The following TRIM67 variants were observed in gnomAD, a reference collection of about 807,000 sequenced individuals.
TRIM67 encodes the protein tripartite motif containing 67.
A neutral mutation model predicts 71.0 loss-of-function variants in TRIM67; 39 were observed. That is an observed-to-expected ratio of 0.55 (90% confidence interval 0.43 to 0.72). The LOEUF (loss-of-function observed/expected upper bound fraction) is 0.72. TRIM67 is among the 30% of genes least tolerant of loss of function. The pLI is 0.00. For missense variants in TRIM67, 973 were observed against 1,079.2 expected (o/e 0.90, Z 1.38); for synonymous variants, 481 against 473.9 (o/e 1.01, Z -0.19).
At chr1:231,166,118 G>C (rs1225575540) in intron 1 of TRIM67, among the ~76,000 whole-genome samples, 1 of 152,208 alleles carries the variant, frequency 6.6e-6, no homozygotes. Flanking sequence ...GGAAATTTGG[G>C]AAGCACATGT....
intron 5 of TRIM67, among the ~76,000 whole-genome samples, chr1:231,202,081 T>A (rs77145089): frequency 0.02 from 47 of 2,398 alleles, 1 homozygote; most frequent in African/African-American, 0.025. Flanking sequence ...GAGGAGGAGG[T>A]GGTGGCTAAG....
rs1175749567 is a variant in TRIM67, at chr1:231,220,951, G to A, written c.*5511G>A. 2.0e-5 allele frequency: 3 copies of A among 152,296 alleles called. No homozygotes were observed. The highest frequency in any genetic ancestry group is 7.2e-5 in the African/African-American group (3 of 41,450). 9.4% of individuals were successfully genotyped at this position (152,296 alleles called of 1,614,324 possible). ...CTTGCAACTGCAGTAGCAGGAACAT[G>A]TCAGGTGCTTACTGGGTGAGACCCA... On this transcript the variant is annotated 3_prime_UTR_variant, in exon 10 of 10. Coordinates refer to ENST00000366653, the MANE Select transcript of TRIM67 (RefSeq NM_001004342.5).
In TRIM67 at chr1:231,217,099, C is replaced by T; in HGVS notation, c.*1659C>T. On this transcript the variant is annotated 3_prime_UTR_variant, in exon 10 of 10. Transcript: ENST00000366653. The stretch of plus-strand genomic sequence containing the variant: ...TTTCTGAGTAACTGCCTGCCGGAGC[C>T]ATGCAGGTACCCCCCCTCCACTCAG... 1 of 985,914 alleles carries T rather than the reference C, an allele frequency of 1.0e-6. No individual in the cohort carries two copies. The highest frequency in any genetic ancestry group is 1.2e-6 in the Non-Finnish European group (1 of 830,008). 61.1% of individuals were successfully genotyped at this position (985,914 alleles called of 1,614,324 possible). A position where few individuals can be genotyped will look rare whatever the true frequency, so the allele number is the denominator to read the frequency against.
At chr1:231,204,545 A>G (rs1198161457) in intron 6 of TRIM67, among the ~76,000 whole-genome samples, 1 of 152,150 alleles carries the variant, frequency 6.6e-6, no homozygotes. Context: ...GTGAGCCAGA[A>G]ATGCATCTTC....
At chr1:231,170,356 G>A (rs888218519) in intron 1 of TRIM67, among the ~76,000 whole-genome samples, 1 of 152,064 alleles carries the variant, frequency 6.6e-6, no homozygotes, top group Non-Finnish European at 1.5e-5. Context: ...GAGAAAAGAA[G>A]GCAAGAATCC....
At chr1:231,170,556 A>G (rs1028911454) in intron 1 of TRIM67, among the ~76,000 whole-genome samples, 2 of 152,160 alleles carry the variant, frequency 1.3e-5, no homozygotes, top group Admixed American at 6.5e-5. Flanking sequence ...TTAGCCTGCA[A>G]TGGAAGGGCT....
At chr1:231,195,722 T>C (rs1462739628) in intron 1 of TRIM67, among the ~76,000 whole-genome samples, 1 of 152,194 alleles carries the variant, frequency 6.6e-6, no homozygotes, top group African/African-American at 2.4e-5. Flanking sequence ...ATCTTCTCCA[T>C]AGGTTTTCAG....
rs1200914861 is a variant in TRIM67, at chr1:231,218,165, A to G, written c.*2725A>G. 3 of 1,031,074 alleles carry G rather than the reference A, an allele frequency of 2.9e-6. No homozygotes were observed. The highest frequency in any genetic ancestry group is 3.5e-6 in the Non-Finnish European group (3 of 856,008). 63.9% of individuals were successfully genotyped at this position (1,031,074 alleles called of 1,614,324 possible). On this transcript the variant is annotated 3_prime_UTR_variant, in exon 10 of 10. Transcript: ENST00000366653. Reference sequence around the variant, plus strand: ...TGAAGAAGGAACTTATCAATTCCTCATGGCCAGGAAGGTCCCGGGTTTCAG... The same window carrying G: ...TGAAGAAGGAACTTATCAATTCCTCGTGGCCAGGAAGGTCCCGGGTTTCAG...
intron 1 of TRIM67, among the ~76,000 whole-genome samples, chr1:231,188,510 C>T (rs1458550867): frequency 6.6e-5 from 10 of 152,106 alleles, no homozygotes; most frequent in East Asian, 1.9e-4. Flanking sequence ...GCCCTGCCTC[C>T]GAGGGATTTT....
chr1:231,219,808 A>ACAC lies in TRIM67; in HGVS notation c.*4370_*4371insCCA. On this transcript the variant is annotated 3_prime_UTR_variant, in exon 10 of 10. Coordinates refer to ENST00000366653, the MANE Select transcript of TRIM67 (RefSeq NM_001004342.5). ...GAGCCGGTAGCTGTGTTTGTTGACC[A>ACAC]CATTCTTTGGCAGTTCCTCCCAGAA... 1 of 1,272,596 alleles carries ACAC rather than the reference A, an allele frequency of 7.9e-7. No individual in the cohort carries two copies. Among genetic ancestry groups the ACAC allele is most frequent in the African/African-American group, 1.5e-5 (1 of 65,434 alleles). The allele number at this position is 1,272,596 out of a possible 1,614,324, so 78.8% of individuals were successfully genotyped here.
chr1:231,169,368 C>CT (rs775082418), intron 1 of TRIM67, among the ~76,000 whole-genome samples: 35,579 of 81,990 alleles, frequency 0.43, 8,537 homozygotes, highest in Non-Finnish European at 0.52. Context: ...ATTCTTTTCT[C>CT]TTTTTTTTTT....
In TRIM67 at chr1:231,208,871, G is replaced by C. The variant is rs192211433; in HGVS notation, c.1820-76G>C. On this transcript the variant is annotated intron_variant, in intron 7 of 9. Transcript: ENST00000366653. ...CTTTCTAACAGAAGCGAATGTGTTT[G>C]TGTCTCTGAGCCGGTTAGAAACTAC... The C allele has an allele frequency of 2.1e-5, 30 of 1,416,812 alleles. No homozygotes were observed. In the African/African-American group the frequency reaches 4.3e-4, roughly 20 times the overall value. The allele number at this position is 1,416,812 out of a possible 1,614,324, so 87.8% of individuals were successfully genotyped here.
At chr1:231,190,045 G>C (rs894892610) in intron 1 of TRIM67, among the ~76,000 whole-genome samples, 5 of 152,132 alleles carry the variant, frequency 3.3e-5, no homozygotes, top group African/African-American at 1.2e-4. Flanking sequence ...TGATAAATTT[G>C]TGTTGATCTA....
chr1:231,187,967 C>T (rs1223129635), intron 1 of TRIM67, among the ~76,000 whole-genome samples: 3 of 152,178 alleles, frequency 2.0e-5, no homozygotes, highest in South Asian at 2.1e-4. Flanking sequence ...CCTGTTCTTT[C>T]GTGTTCTCTC....
chr1:231,167,423 C>T (rs1009607399), intron 1 of TRIM67, among the ~76,000 whole-genome samples: 1 of 100,406 alleles, frequency 1.0e-5, no homozygotes, highest in Non-Finnish European at 1.8e-5. Context: ...CCCGGGTTCA[C>T]GCCATTCTCC....
intron 1 of TRIM67, among the ~76,000 whole-genome samples, chr1:231,165,836 G>T (rs1415407418): frequency 6.6e-6 from 1 of 152,218 alleles, no homozygotes; most frequent in East Asian, 1.9e-4. Context: ...TTCACAAACT[G>T]CTAAATCTTC....
intron 1 of TRIM67, among the ~76,000 whole-genome samples, chr1:231,192,438 C>A (rs1021564617): frequency 1.6e-4 from 24 of 152,264 alleles, no homozygotes; most frequent in African/African-American, 4.1e-4. Context: ...CCCCGGCCTC[C>A]CAAAGTCCTG....
In TRIM67 at chr1:231,178,266, T is replaced by A. The variant is rs991484132; in HGVS notation, c.1044+14253T>A. ...CACTCTGAGTGTAAGTTTACTAGACTGACATTACTAAAATCATTGGTGCTA... is the reference window on the plus strand; with the variant it reads ...CACTCTGAGTGTAAGTTTACTAGACAGACATTACTAAAATCATTGGTGCTA... On this transcript the variant is annotated intron_variant, in intron 1 of 9. Coordinates refer to ENST00000366653, the MANE Select transcript of TRIM67 (RefSeq NM_001004342.5). Among the ~76,000 whole-genome samples the A allele has an allele frequency of 5.9e-5, 9 of 152,322 alleles. No individual in the cohort carries two copies. In the East Asian group the frequency reaches 1.7e-3, roughly 29 times the overall value.
At chr1:231,174,152 C>CTTTTTTTTTTTTTTTTTTTTTT (rs35651112) in intron 1 of TRIM67, among the ~76,000 whole-genome samples, 18 of 127,346 alleles carry the variant, frequency 1.4e-4, no homozygotes, top group Non-Finnish European at 2.0e-4. Context: ...GTCTTATTTT[C>CTTTTTTTTTTTTTTTTTTTTTT]TTTTTTTTTT....
Sources: allele counts gnomAD v4.1 joint callset (sites outside exome capture counted in the v4.1 genomes callset), GRCh38; gene constraint gnomAD v4.1.1; transcripts MANE v1.5; gene names NCBI Gene and HGNC (gene_info 2026-07-23, HGNC 2026-07-21).